LAT2: variants seen among roughly 807,000 people sequenced by gnomAD.
LAT2 encodes linker for activation of T-cells family member 2.
A neutral mutation model predicts 43.4 loss-of-function variants in LAT2; 23 were observed. The observed-to-expected ratio is 0.53, with a 90% CI of 0.38 to 0.75. The LOEUF is 0.75. Ranked by LOEUF, LAT2 falls within the 30% of genes least tolerant of loss-of-function variation. The probability of loss-of-function intolerance (pLI) is 0.00; values close to 1 mark genes in which losing one functional copy is unlikely to be tolerated. For missense variants in LAT2, 284 were observed against 310.2 expected (o/e 0.92, Z 0.64); for synonymous variants, 128 against 123.2 (o/e 1.04, Z -0.26).
At chr7:74,226,050 A>G (rs577288889) in intron 13 of LAT2, 4 of 152,176 alleles carry the variant, frequency 2.6e-5, no homozygotes, top group Admixed American at 2.6e-4. Flanking sequence ...AAATCCCAGC[A>G]CTTCGGGAGG....
At chr7:74,219,811 T>C in intron 5 of LAT2, 24 bp downstream of exon 5, 1 of 1,613,862 alleles carries the variant, frequency 6.2e-7, no homozygotes. Context: ...TGTCCCCGGG[T>C]TGGGCTCTGG....
Position 74,216,077 on chromosome 7 carries a change from G to C in LAT2, c.94+8G>C, listed in dbSNP as rs999657366. ...TGCGCTGCTCACGCCCAGGTAAGCGGGGGTCTCGGGGACGTGATGGGGAGA... is the reference window on the plus strand; with the variant it reads ...TGCGCTGCTCACGCCCAGGTAAGCGCGGGTCTCGGGGACGTGATGGGGAGA... On this transcript the variant is annotated splice_region_variant and intron_variant, in intron 3 of 13. Transcript: ENST00000460943. The C allele has an allele frequency of 1.2e-6, 2 of 1,604,634 alleles. No homozygotes were observed. The highest frequency in any genetic ancestry group is 1.3e-5 in the African/African-American group (1 of 74,754).
At chr7:74,214,141 A>AATATATATAAATATATATATGAAAAT (rs1801858520) in intron 1 of LAT2, among the ~76,000 whole-genome samples, 4 of 52,192 alleles carry the variant, frequency 7.7e-5, no homozygotes, top group Admixed American at 2.6e-4. Flanking sequence ...TATATATGAA[A>AATATATATAAATATATATATGAAAAT]ATATATATAA....
intron 1 of LAT2, among the ~76,000 whole-genome samples, chr7:74,214,257 T>A (rs1447723935): frequency 2.5e-5 from 2 of 80,456 alleles, no homozygotes; most frequent in East Asian, 3.6e-4. Context: ...TATATAAATA[T>A]ATATATATGA....
In LAT2 at chr7:74,223,761, C is replaced by G; in HGVS notation, c.426C>G (p.Cys142Trp). The change falls in exon 11 of 14, where the codon TGC becomes TGG. Residue 142 changes from cysteine (C) to tryptophan (W), a missense_variant. By Grantham distance (215) the Cys-to-Trp change is radical. Transcript: ENST00000460943. ...DANSYENVLI[C>W]KQKTTETGAQ... ...ATTCCTACGAGAATGTGCTCATTTG[C>G]AAGCAGAAAACCACAGAGACAGGTG... 1 of 1,613,928 alleles carries G rather than the reference C, an allele frequency of 6.2e-7. No individual in the cohort carries two copies. The highest frequency in any genetic ancestry group is 8.5e-7 in the Non-Finnish European group (1 of 1,179,942).
At chr7:74,228,053 G>A (rs1344816890) in intron 13 of LAT2, among the ~76,000 whole-genome samples, 4 of 148,678 alleles carry the variant, frequency 2.7e-5, no homozygotes, top group African/African-American at 5.0e-5. Context: ...GCGTGTGCCT[G>A]TAATCCCAGC....
chr7:74,214,601 AATATATATAAATATATATATGAATATAT>A (rs1563968099), intron 1 of LAT2, among the ~76,000 whole-genome samples, 193 bp from the exon 2 acceptor site: 54 of 752 alleles, frequency 0.072, 16 homozygotes, highest in African/African-American at 0.15. Flanking sequence ...TATATATGAA[AATATATATAAATATATATATGAATATAT>A]ATATATATAT....
chr7:74,214,405 AAT>A (rs1202943134), intron 1 of LAT2, among the ~76,000 whole-genome samples: 8 of 39,414 alleles, frequency 2.0e-4, no homozygotes, highest in Admixed American at 9.5e-4. Flanking sequence ...TATATATGAA[AAT>A]ATATATATAA....
chr7:74,224,845 G>T, intron 13 of LAT2, 85 bp downstream of exon 13: 1 of 1,031,272 alleles, frequency 9.7e-7, no homozygotes, highest in Non-Finnish European at 1.4e-6. Flanking sequence ...GGGAACAGCC[G>T]AGAGTGTGGG....
At chr7:74,221,717 G>A (rs1370640438) in intron 10 of LAT2, 25 bp downstream of exon 10, 1 of 1,604,342 alleles carries the variant, frequency 6.2e-7, no homozygotes, top group Non-Finnish European at 8.5e-7. Context: ...AAAGCCGGAG[G>A]TGGAGGAAGT....
At chr7:74,214,791 A>ATATTTT (rs1278478546) in intron 1 of LAT2, 31 bp from the exon 2 acceptor site, 1 of 79,400 alleles carries the variant, frequency 1.3e-5, no homozygotes, top group South Asian at 3.4e-4. Flanking sequence ...ATATATATAT[A>ATATTTT]TTTTTTTTTT....
At chr7:74,223,691 AC>A (rs1554715616) in intron 10 of LAT2, 32 bp from the exon 11 acceptor site, 1 of 1,605,536 alleles carries the variant, frequency 6.2e-7, no homozygotes, top group African/African-American at 1.3e-5. Flanking sequence ...GGGTCTGCCC[AC>A]ACCCCCGTGC....
At chr7:74,225,412 C>T (rs1199869857) in intron 13 of LAT2, 4 of 152,286 alleles carry the variant, frequency 2.6e-5, no homozygotes, top group Non-Finnish European at 5.9e-5. Context: ...AAAAAACAGA[C>T]ATTGCACACA....
chr7:74,213,420 C>CTT (rs1554713423), intron 1 of LAT2, among the ~76,000 whole-genome samples: 17 of 136,228 alleles, frequency 1.2e-4, no homozygotes, highest in South Asian at 2.4e-4. Flanking sequence ...TGTGCCCGGC[C>CTT]ATTTTTTTTT....
chr7:74,220,648 G>C lies in LAT2; in HGVS notation c.301+29G>C. On this transcript the variant is annotated intron_variant, in intron 8 of 13. Coordinates refer to ENST00000460943, the MANE Select transcript of LAT2 (RefSeq NM_032464.3). The surrounding 1 kb of genome is among the most constrained non-coding windows in gnomAD (Gnocchi z 4.5). ...GGTAGGCTCCTGGAGAAAGGGGGAG[G>C]CCATGGTGGGGGCCACACCCAGGGG... 1 of 1,613,936 alleles carries C rather than the reference G, an allele frequency of 6.2e-7. No homozygotes were observed. The highest frequency in any genetic ancestry group is 8.5e-7 in the Non-Finnish European group (1 of 1,179,934).
rs1246852025 is a variant in LAT2 at position 74,220,312 on chromosome 7, C to T, written c.265+58C>T. The T allele has an allele frequency of 2.0e-5, 31 of 1,560,596 alleles. No individual in the cohort carries two copies. Among genetic ancestry groups the T allele is most frequent in the African/African-American group, 8.2e-5 (6 of 73,536 alleles). On this transcript the variant is annotated intron_variant, in intron 7 of 13. Transcript: ENST00000460943. This position sits in a 1 kb window ranked among gnomAD's most constrained non-coding sequence, Gnocchi z 4.5. ...CTAGCCAAGCTGGGACTAAGACAGG[C>T]GAAAACCCCATGGGACAGGCGTCGT... is the stretch of plus-strand genomic sequence containing the variant.
intron 11 of LAT2, 84 bp from the exon 12 acceptor site, chr7:74,223,934 C>T: frequency 6.7e-7 from 1 of 1,500,904 alleles, no homozygotes; most frequent in Non-Finnish European, 9.1e-7. Flanking sequence ...GAGCCTTGCC[C>T]CTACTATCCT....
chr7:74,215,900 G>C, intron 2 of LAT2, 47 bp from the exon 3 acceptor site: 1 of 1,321,862 alleles, frequency 7.6e-7, no homozygotes, highest in Non-Finnish European at 1.1e-6. Flanking sequence ...TGTGGGGTAG[G>C]ATTCCTGAAA....
intron 10 of LAT2, among the ~76,000 whole-genome samples, chr7:74,223,173 G>A (rs918283011): frequency 2.6e-5 from 4 of 152,170 alleles, no homozygotes; most frequent in Middle Eastern, 3.2e-3. Flanking sequence ...TGCAGCCCCC[G>A]CAGAGTACCC....
Sources: allele counts gnomAD v4.1 joint callset (sites outside exome capture counted in the v4.1 genomes callset), GRCh38; gene constraint gnomAD v4.1.1; non-coding constraint Gnocchi (gnomAD v3.1); transcripts MANE v1.5; gene names NCBI Gene and HGNC (gene_info 2026-07-23, HGNC 2026-07-21).